The following FANCC variants were observed in gnomAD, a reference collection of about 807,000 sequenced individuals.
FANCC encodes FA complementation group C.
In FANCC, 55 loss-of-function variants were observed where a neutral mutation model predicts 71.3. That is an observed-to-expected ratio of 0.77 (90% confidence interval 0.62 to 0.97). FANCC has a LOEUF of 0.97. Among genes scored for constraint, FANCC ranks in the 50% least tolerant of loss-of-function variants. The pLI is 0.00. For missense variants in FANCC, 678 were observed against 670.9 expected, an observed-to-expected ratio of 1.01 and a Z score of -0.12; for synonymous variants, 275 against 244.9, an observed-to-expected ratio of 1.12 and a Z score of -1.15.
intron 1 of FANCC, among the ~76,000 whole-genome samples, chr9:95,274,473 C>T (rs1425247472): frequency 6.6e-6 from 1 of 152,146 alleles, no homozygotes; most frequent in Non-Finnish European, 1.5e-5. Context: ...GTGAACAGTG[C>T]TGCAATAAAC....
At chr9:95,266,308 C>A (rs1832381054) in intron 1 of FANCC, among the ~76,000 whole-genome samples, 1 of 152,074 alleles carries the variant, frequency 6.6e-6, no homozygotes, top group Non-Finnish European at 1.5e-5. Flanking sequence ...TTTAAATTGA[C>A]AAAATTAATT....
At chr9:95,130,017 G>A (rs1220082494) in intron 8 of FANCC, among the ~76,000 whole-genome samples, 1 of 152,130 alleles carries the variant, frequency 6.6e-6, no homozygotes, top group African/African-American at 2.4e-5. Flanking sequence ...GGAAGACAAA[G>A]TCAACATGGA....
At chr9:95,250,390 A>G (rs1831257910) in intron 1 of FANCC, among the ~76,000 whole-genome samples, 1 of 152,172 alleles carries the variant, frequency 6.6e-6, no homozygotes, top group Non-Finnish European at 1.5e-5. Context: ...CAAGATATCA[A>G]CAAAGGAGGT....
intron 4 of FANCC, among the ~76,000 whole-genome samples, chr9:95,207,331 C>CA (rs1482028875): frequency 1.3e-5 from 2 of 152,076 alleles, no homozygotes; most frequent in Non-Finnish European, 2.9e-5. Context: ...TCAAAACAAC[C>CA]AAAAAATCAC....
chr9:95,141,865 G>C (rs1828747492), intron 7 of FANCC, among the ~76,000 whole-genome samples: 1 of 151,780 alleles, frequency 6.6e-6, no homozygotes, highest in Admixed American at 6.6e-5. Context: ...TCTGGTTTTA[G>C]TTCAGTGATT....
rs750003253 is a variant in FANCC, at chr9:95,172,134, TGAGA to T, written c.355_358del (p.Ser119IlefsTer24). On this transcript the variant is annotated frameshift_variant, in exon 5 of 15. Transcript: ENST00000289081. LOFTEE classifies it high-confidence loss of function. ...ATCAAATCTGAGTGCTGAAAGTATA[TGAGA>T]TAATACACCCTAAAAAACATAAACA... 56 of 1,608,886 alleles carry T rather than the reference TGAGA, an allele frequency of 3.5e-5. No individual in the cohort carries two copies. The African/African-American group carries it at 7.3e-4, about 21-fold the overall frequency.
intron 13 of FANCC, 100 bp downstream of exon 13, chr9:95,111,363 G>C: frequency 6.3e-7 from 1 of 1,597,876 alleles, no homozygotes; most frequent in Middle Eastern, 1.7e-4. Flanking sequence ...CAGAGCTCAG[G>C]TGTCATGGAA....
At chr9:95,144,648 T>C (rs1006569407) in intron 7 of FANCC, among the ~76,000 whole-genome samples, 7 of 152,236 alleles carry the variant, frequency 4.6e-5, no homozygotes, top group Non-Finnish European at 8.8e-5. Context: ...TGAGACCATA[T>C]TCTCCTGTGA....
chr9:95,206,592 G>A (rs1229790705), intron 4 of FANCC, among the ~76,000 whole-genome samples: 2 of 152,140 alleles, frequency 1.3e-5, no homozygotes, highest in East Asian at 3.9e-4. Flanking sequence ...TACATCTAAC[G>A]CTGCAATGAA....
In FANCC at chr9:95,099,477, C is replaced by T. The variant is rs2071010043; in HGVS notation, c.*2230G>A. 4.4e-6 allele frequency: 1 copy of T among 226,930 alleles called. No individual in the cohort carries two copies. The highest frequency in any genetic ancestry group is 1.9e-4 in the South Asian group (1 of 5,192). The allele number at this position is 226,930 out of a possible 1,614,324, so 14.1% of individuals were successfully genotyped here. A position where few individuals can be genotyped will look rare whatever the true frequency, so the allele number is the denominator to read the frequency against. On this transcript the variant is annotated 3_prime_UTR_variant, in exon 15 of 15. Transcript: ENST00000289081. ...CTCGGATGCCATTCCTTCCCGGTGG[C>T]ACCTGCCCAGGCTTTGCCGAAATCG...
At chr9:95,132,462 G>A (rs1011932059) in intron 8 of FANCC, among the ~76,000 whole-genome samples, 6 of 152,152 alleles carry the variant, frequency 3.9e-5, no homozygotes, top group African/African-American at 1.4e-4. Context: ...TATGGATTAT[G>A]GTCTTCCCGT....
rs118120923 is a variant in FANCC at position 95,251,350 on chromosome 9, C to G, written c.-78-1981G>C. ...ATTTTTTTTTAGACGAAGTCTCACT[C>G]TATCTCCCAGGCTGGAGTTAAGTGG... On this transcript the variant is annotated intron_variant, in intron 1 of 14. Coordinates refer to ENST00000289081, the MANE Select transcript of FANCC (RefSeq NM_000136.3). 3.3e-3 allele frequency among the ~76,000 whole-genome samples: 504 copies of G among 152,244 alleles called. 8 individuals are homozygous for G. In the East Asian group the frequency reaches 0.044, roughly 13 times the overall value.
In FANCC at chr9:95,135,483, T is replaced by G. The variant is rs771319430; in HGVS notation, c.706A>C (p.Met236Leu). ...AILLKKISLP[M>L]SAVVCLWLRH... ...AGCCAGAGGCAGACTACAGCTGACATGGGGAGAGAAATCTTCTTCCTTTCA... is the reference window on the plus strand; with the variant it reads ...AGCCAGAGGCAGACTACAGCTGACAGGGGGAGAGAAATCTTCTTCCTTTCA... The change falls in exon 8 of 15, where the codon ATG becomes CTG. Residue 236 changes from methionine to leucine, a missense_variant. Coordinates refer to ENST00000289081, the MANE Select transcript of FANCC (RefSeq NM_000136.3). 1.2e-6 allele frequency: 2 copies of G among 1,613,988 alleles called. No individual in the cohort carries two copies. The highest frequency in any genetic ancestry group is 1.7e-6 in the Non-Finnish European group (2 of 1,179,996).
chr9:95,139,756 G>T (rs1372767240), intron 7 of FANCC, among the ~76,000 whole-genome samples: 1 of 150,542 alleles, frequency 6.6e-6, no homozygotes, highest in African/African-American at 2.4e-5. Context: ...TGCAGGATGA[G>T]GAGGAGGAGG....
intron 4 of FANCC, 100 bp from the exon 5 acceptor site, chr9:95,172,247 T>C (rs1825735839): frequency 1.4e-6 from 1 of 694,422 alleles, no homozygotes; most frequent in Admixed American, 2.9e-5. Context: ...GGGTGGTCTC[T>C]ATGAAACAAA....
intron 8 of FANCC, among the ~76,000 whole-genome samples, chr9:95,132,673 C>T (rs1827091941): frequency 6.6e-6 from 1 of 152,096 alleles, no homozygotes; most frequent in Non-Finnish European, 1.5e-5. Flanking sequence ...GAAAACTTTT[C>T]TTTTATTTTA....
chr9:95,216,890 T>C (rs370400971), intron 4 of FANCC, among the ~76,000 whole-genome samples: 4 of 152,206 alleles, frequency 2.6e-5, no homozygotes, highest in East Asian at 3.9e-4. Flanking sequence ...CATGAAACAG[T>C]GGCAGTCTAA....
chr9:95,113,452 T>G (rs1029435540), intron 12 of FANCC, among the ~76,000 whole-genome samples: 1 of 152,082 alleles, frequency 6.6e-6, no homozygotes, highest in African/African-American at 2.4e-5. Flanking sequence ...TAAATGTGAA[T>G]GCTTTCAAGA....
chr9:95,115,098 G>C (rs1009025454), intron 11 of FANCC, among the ~76,000 whole-genome samples: 1 of 152,086 alleles, frequency 6.6e-6, no homozygotes, highest in African/African-American at 2.4e-5. Context: ...GCACCACCAT[G>C]CCCAGCTATT....
Sources: allele counts gnomAD v4.1 joint callset (sites outside exome capture counted in the v4.1 genomes callset), GRCh38; gene constraint gnomAD v4.1.1; transcripts MANE v1.5; gene names NCBI Gene and HGNC (gene_info 2026-07-23, HGNC 2026-07-21).